The following GPC5 variants were observed in gnomAD, a reference collection of about 807,000 sequenced individuals.
GPC5 encodes glypican 5.
In GPC5, 47 loss-of-function variants were observed where a neutral mutation model predicts 53.9. The observed-to-expected ratio is 0.87, with a 90% confidence interval of 0.69 to 1.11. The LOEUF (loss-of-function observed/expected upper bound fraction) is 1.11. Ranked by LOEUF, GPC5 falls within the 50% of genes most tolerant of loss-of-function variation. The pLI is 0.00. For missense variants in GPC5, 748 were observed against 713.1 expected, an observed-to-expected ratio of 1.05 and a Z score of -0.56; for synonymous variants, 286 against 263.3, an observed-to-expected ratio of 1.09 and a Z score of -0.84.
At chr13:92,848,114 T>C (rs1878671140) in intron 7 of GPC5, among the ~76,000 whole-genome samples, 3 of 152,334 alleles carry the variant, frequency 2.0e-5, no homozygotes, top group South Asian at 2.1e-4. Flanking sequence ...ACTTTGCTTG[T>C]CAACTCACTT....
At chr13:91,980,131 A>G (rs896065635) in intron 6 of GPC5, among the ~76,000 whole-genome samples, 3 of 152,210 alleles carry the variant, frequency 2.0e-5, no homozygotes, top group African/African-American at 7.2e-5. Flanking sequence ...CATACCTTCT[A>G]CAGAAATCCA....
At chr13:91,611,760 G>A (rs982547769) in intron 2 of GPC5, among the ~76,000 whole-genome samples, 4 of 152,102 alleles carry the variant, frequency 2.6e-5, no homozygotes, top group Non-Finnish European at 5.9e-5. Flanking sequence ...TAGTCTTGAT[G>A]CATATTCCTT....
chr13:92,139,404 A>G (rs1184379341), intron 6 of GPC5, among the ~76,000 whole-genome samples: 1 of 152,162 alleles, frequency 6.6e-6, no homozygotes, highest in African/African-American at 2.4e-5. Flanking sequence ...GCAGTGGCTC[A>G]CGCCTGTAAT....
At chr13:92,094,809 A>C (rs2041409227) in intron 6 of GPC5, among the ~76,000 whole-genome samples, 1 of 150,786 alleles carries the variant, frequency 6.6e-6, no homozygotes, top group African/African-American at 2.5e-5. Flanking sequence ...TTTTGTTCAC[A>C]TATTGCTTTT....
chr13:91,976,040 A>G lies in GPC5; in HGVS notation c.1401+67983A>G, dbSNP rs2040297393. Among the ~76,000 whole-genome samples, 3 of 152,178 alleles carry G rather than the reference A, an allele frequency of 2.0e-5. No homozygotes were observed. The South Asian group carries it at 6.2e-4, about 32-fold the overall frequency. ...GCAAGGACAAAAAACCAAACACCGC[A>G]TGTTCTCACTCATAGCTAGGAATTG... On this transcript the variant is annotated intron_variant, in intron 6 of 7. Coordinates refer to ENST00000377067, the MANE Select transcript of GPC5 (RefSeq NM_004466.6).
At chr13:92,038,673 TATAGATAG>T (rs56923365) in intron 6 of GPC5, among the ~76,000 whole-genome samples, 46,209 of 147,704 alleles carry the variant, frequency 0.31, 7,584 homozygotes, top group East Asian at 0.62. Context: ...TACAAATCTA[TATAGATAG>T]ATAGATAGAT....
At chr13:91,469,329 G>T (rs971207940) in intron 2 of GPC5, among the ~76,000 whole-genome samples, 1 of 152,030 alleles carries the variant, frequency 6.6e-6, no homozygotes. Context: ...GGCTAGTGTC[G>T]AACTTCTGGC....
intron 7 of GPC5, among the ~76,000 whole-genome samples, chr13:92,641,577 T>C (rs1885595874): frequency 6.6e-6 from 1 of 152,236 alleles, no homozygotes; most frequent in Admixed American, 6.5e-5. Context: ...TATTTGAGGA[T>C]ATTTAATTCA....
At chr13:91,686,823 G>A (rs2035632602) in intron 2 of GPC5, among the ~76,000 whole-genome samples, 1 of 151,966 alleles carries the variant, frequency 6.6e-6, no homozygotes. Context: ...CAACTCTAAA[G>A]TAGCAGAGTA....
intron 6 of GPC5, among the ~76,000 whole-genome samples, chr13:92,002,710 A>G (rs2040566390): frequency 6.6e-6 from 1 of 152,228 alleles, no homozygotes; most frequent in African/African-American, 2.4e-5. Context: ...GAACATATAA[A>G]GTGAACAACA....
chr13:91,924,724 T>C (rs1223131870), intron 6 of GPC5, among the ~76,000 whole-genome samples: 1 of 151,998 alleles, frequency 6.6e-6, no homozygotes. Flanking sequence ...CTGGGTGACA[T>C]AGTGAGATCT....
intron 7 of GPC5, among the ~76,000 whole-genome samples, chr13:92,749,075 G>A (rs1439590613): frequency 6.6e-6 from 1 of 152,010 alleles, no homozygotes; most frequent in Non-Finnish European, 1.5e-5. Flanking sequence ...GGAGTTCTTG[G>A]CCAGACAAGA....
In GPC5 at chr13:92,144,969, G is replaced by A; in HGVS notation, c.1541G>A (p.Arg514Lys). The change falls in exon 7 of 8, where the codon AGG (arginine) becomes AAG (lysine). Residue 514 changes from arginine to lysine, a missense_variant. Coordinates refer to ENST00000377067, the MANE Select transcript of GPC5 (RefSeq NM_004466.6). ...CGGSGSGEVK[R>K]TLKITDWMPD... ...GGATCAGGAAGTGGAGAAGTCAAGAGGACACTGAAGATCACAGACTGTAAG... is the reference window on the plus strand; with the variant it reads ...GGATCAGGAAGTGGAGAAGTCAAGAAGACACTGAAGATCACAGACTGTAAG... The A allele has an allele frequency of 1.3e-6, 2 of 1,533,970 alleles. No individual in the cohort carries two copies. The highest frequency in any genetic ancestry group is 1.8e-4 in the Middle Eastern group (1 of 5,706).
intron 2 of GPC5, among the ~76,000 whole-genome samples, chr13:91,597,002 T>G (rs1318648635): frequency 6.6e-6 from 1 of 152,198 alleles, no homozygotes; most frequent in Non-Finnish European, 1.5e-5. Context: ...CTCTCTGCAG[T>G]GTCTCCCTAA....
At chr13:92,753,848 G>A (rs997425348) in intron 7 of GPC5, among the ~76,000 whole-genome samples, 13 of 152,286 alleles carry the variant, frequency 8.5e-5, no homozygotes, top group Admixed American at 2.6e-4. Flanking sequence ...CCAAATCTAC[G>A]TCTGATTGGT....
intron 7 of GPC5, among the ~76,000 whole-genome samples, chr13:92,349,185 C>T (rs2043453600): frequency 6.6e-6 from 1 of 152,066 alleles, no homozygotes; most frequent in Admixed American, 6.6e-5. Context: ...CTCTTGTTGC[C>T]CAGGCTGGAG....
chr13:91,646,679 A>G (rs1486776692), intron 2 of GPC5, among the ~76,000 whole-genome samples: 13 of 152,210 alleles, frequency 8.5e-5, no homozygotes, highest in Non-Finnish European at 1.9e-4. Flanking sequence ...TAAAAGACAT[A>G]GAAAGGTTGA....
chr13:92,656,883 G>A (rs58240038), intron 7 of GPC5, among the ~76,000 whole-genome samples: 5 of 152,210 alleles, frequency 3.3e-5, no homozygotes, highest in Admixed American at 1.3e-4. Context: ...TTGAGCCCAA[G>A]TGTTCAACGC....
chr13:91,969,814 A>G (rs941887019), intron 6 of GPC5, among the ~76,000 whole-genome samples: 1 of 152,220 alleles, frequency 6.6e-6, no homozygotes, highest in African/African-American at 2.4e-5. Flanking sequence ...CCACAATTAT[A>G]TATCGCCACA....
Sources: gnomAD v4.1 joint callset for allele counts (sites outside exome capture counted in the v4.1 genomes callset) on GRCh38, gnomAD v4.1.1 for gene constraint, MANE v1.5 for transcripts, NCBI Gene and HGNC (gene_info 2026-07-23, HGNC 2026-07-21) for gene names.